CEP112: variants seen among roughly 807,000 people sequenced by gnomAD.
CEP112 encodes the protein centrosomal protein 112, also known as centrosomal protein of 112 kDa.
A neutral mutation model predicts 153.0 loss-of-function variants in CEP112; 127 were observed. The ratio of observed to expected loss-of-function variants is 0.83; its 90% CI spans 0.72 to 0.96. The LOEUF (loss-of-function observed/expected upper bound fraction) is 0.96. CEP112 is among the 40% of genes least tolerant of loss of function. CEP112 has a pLI of 0.00. For missense variants in CEP112, 1,089 were observed against 1,101.2 expected (o/e 0.99, Z 0.16); for synonymous variants, 358 against 374.4 (o/e 0.96, Z 0.51).
At chr17:65,971,264 ACACATG>A (rs2062776931) in intron 17 of CEP112, among the ~76,000 whole-genome samples, 3 of 152,218 alleles carry the variant, frequency 2.0e-5, no homozygotes, top group Non-Finnish European at 4.4e-5. Flanking sequence ...TGCGTACTGC[ACACATG>A]TACAGCACAT....
chr17:66,133,727 A>C (rs2070306185), intron 4 of CEP112, among the ~76,000 whole-genome samples: 1 of 152,208 alleles, frequency 6.6e-6, no homozygotes, highest in Admixed American at 6.5e-5. Flanking sequence ...CAATGAATTA[A>C]AGTCACTAAC....
intron 21 of CEP112, among the ~76,000 whole-genome samples, chr17:65,793,591 G>A (rs2145749343): frequency 6.6e-6 from 1 of 152,236 alleles, no homozygotes; most frequent in East Asian, 1.9e-4. Context: ...CTCTCTCTCT[G>A]CCCTTGAGGC....
chr17:65,789,516 A>G (rs2054475400), intron 21 of CEP112, among the ~76,000 whole-genome samples: 1 of 152,098 alleles, frequency 6.6e-6, no homozygotes. Context: ...CCAGGACTTT[A>G]CCTCTCCAGC....
At chr17:65,911,525 A>G (rs1301977757) in intron 19 of CEP112, among the ~76,000 whole-genome samples, 1 of 152,130 alleles carries the variant, frequency 6.6e-6, no homozygotes, top group African/African-American at 2.4e-5. Flanking sequence ...GTTTTTCTAA[A>G]TTTTAGAAAT....
intron 19 of CEP112, among the ~76,000 whole-genome samples, chr17:65,920,404 T>TATATATATAA (rs1411367503): frequency 1.8e-5 from 2 of 111,368 alleles, no homozygotes; most frequent in East Asian, 2.8e-4. Flanking sequence ...TATATATATA[T>TATATATATAA]AATTATAATA....
intron 24 of CEP112, among the ~76,000 whole-genome samples, chr17:65,677,512 A>G (rs1216023235): frequency 1.3e-5 from 2 of 152,238 alleles, no homozygotes; most frequent in Admixed American, 6.5e-5. Flanking sequence ...TACATGGAAC[A>G]TACATTTAAA....
intron 6 of CEP112, among the ~76,000 whole-genome samples, chr17:66,113,402 GA>G: frequency 6.6e-6 from 1 of 152,036 alleles, no homozygotes; most frequent in Admixed American, 6.5e-5. Context: ...AAATATAAAG[GA>G]AAAAATAAAG....
At chr17:65,876,309 C>G (rs907592369) in intron 20 of CEP112, among the ~76,000 whole-genome samples, 1 of 152,158 alleles carries the variant, frequency 6.6e-6, no homozygotes. Context: ...AACGTCTTAT[C>G]CAACCTGAGA....
chr17:65,924,375 A>C (rs1408104112), intron 19 of CEP112, among the ~76,000 whole-genome samples: 12 of 152,292 alleles, frequency 7.9e-5, no homozygotes. Flanking sequence ...TTGCACATGT[A>C]TAAGTATTTC....
chr17:66,115,377 T>C (rs1212615350), intron 6 of CEP112, among the ~76,000 whole-genome samples: 1 of 152,224 alleles, frequency 6.6e-6, no homozygotes, highest in Non-Finnish European at 1.5e-5. Flanking sequence ...ACTTCATGGC[T>C]TGAAACTACA....
chr17:66,080,583 C>A (rs2067676750), intron 8 of CEP112, among the ~76,000 whole-genome samples: 1 of 152,170 alleles, frequency 6.6e-6, no homozygotes, highest in African/African-American at 2.4e-5. Context: ...ATTAGTTCAA[C>A]CATTATGGAA....
intron 24 of CEP112, among the ~76,000 whole-genome samples, chr17:65,660,369 C>CCCTTCCTT (rs200263565): frequency 8.5e-6 from 1 of 118,040 alleles, no homozygotes; most frequent in African/African-American, 3.7e-5. Context: ...CTCCCTCCCT[C>CCCTTCCTT]CCTTCCTTCC....
intron 21 of CEP112, among the ~76,000 whole-genome samples, chr17:65,817,325 G>A (rs2056324483): frequency 6.6e-6 from 1 of 151,868 alleles, no homozygotes; most frequent in Non-Finnish European, 1.5e-5. Context: ...CAAAATCAAA[G>A]TACTGTCTAG....
At chr17:65,932,666 C>T (rs113084788) in intron 18 of CEP112, among the ~76,000 whole-genome samples, 2,210 of 152,216 alleles carry the variant, frequency 0.015, 19 homozygotes, top group Middle Eastern at 0.027. Flanking sequence ...ACAGGTGCAT[C>T]ACATGGCTAG....
Position 66,176,901 on chromosome 17 carries a change from G to A in CEP112, c.226C>T (p.Arg76Ter), listed in dbSNP as rs763279080. Residue 76 changes from arginine (R) to a stop codon, truncating the protein, a stop_gained, in exon 3 of 27, where the codon CGA (arginine) becomes TGA (stop). Transcript: ENST00000535342. LOFTEE classifies it high-confidence loss of function. ...GTAAAAGGGCCTTCAAGCGCACCTC[G>A]TTTAAGCATATGCAATAACAATTTT... Reference protein sequence around the residue: ...YAKLLLHMLKRGALEGPFTHR... With the variant: ...YAKLLLHMLK 71 of 1,613,776 alleles carry A rather than the reference G, an allele frequency of 4.4e-5. No homozygotes were observed. Among genetic ancestry groups the A allele is most frequent in the East Asian group, 1.6e-4 (7 of 44,872 alleles).
At chr17:65,833,822 A>G (rs2057189247) in intron 21 of CEP112, among the ~76,000 whole-genome samples, 1 of 152,216 alleles carries the variant, frequency 6.6e-6, no homozygotes, top group Non-Finnish European at 1.5e-5. Flanking sequence ...ACTGCCAATG[A>G]TATTTTTCAC....
intron 21 of CEP112, among the ~76,000 whole-genome samples, chr17:65,842,825 G>C (rs2057571705): frequency 6.6e-6 from 1 of 152,032 alleles, no homozygotes; most frequent in Non-Finnish European, 1.5e-5. Context: ...GGTTTGATTT[G>C]TGTATTTTGT....
chr17:65,693,548 G>A (rs993818731), intron 23 of CEP112, among the ~76,000 whole-genome samples: 1 of 152,020 alleles, frequency 6.6e-6, no homozygotes, highest in African/African-American at 2.4e-5. Context: ...TGGGTGAAGT[G>A]GAACCGTTGA....
At chr17:66,036,304 T>G (rs2065737361) in intron 12 of CEP112, among the ~76,000 whole-genome samples, 1 of 152,224 alleles carries the variant, frequency 6.6e-6, no homozygotes, top group South Asian at 2.1e-4. Flanking sequence ...ATCGTGCCTA[T>G]AGTTACTAAC....
Sources: allele counts gnomAD v4.1 joint callset (sites outside exome capture counted in the v4.1 genomes callset), GRCh38; gene constraint gnomAD v4.1.1; transcripts MANE v1.5; gene names NCBI Gene and HGNC (gene_info 2026-07-23, HGNC 2026-07-21).